The following A2ML1 variants were observed in gnomAD, a reference collection of about 807,000 sequenced individuals.
The protein encoded by A2ML1 is alpha-2-macroglobulin-like protein 1.
Under a neutral mutation model 181.9 loss-of-function variants are expected in A2ML1, and 161 were observed. The ratio of observed to expected loss-of-function variants is 0.89; its 90% CI spans 0.78 to 1.01. The LOEUF (loss-of-function observed/expected upper bound fraction) is 1.01. A2ML1 is among the 50% of genes least tolerant of loss of function. The pLI is 0.00. For synonymous variants in A2ML1, 663 were observed against 666.8 expected, an observed-to-expected ratio of 0.99 and a Z score of 0.09; for missense variants, 1,670 against 1,768.1, an observed-to-expected ratio of 0.94 and a Z score of 1.00.
downstream of A2ML1, chr12:8,876,931 G>A (rs1894818): frequency 6.6e-6 from 1 of 152,072 alleles, no homozygotes; most frequent in African/African-American, 2.4e-5. Flanking sequence ...AAAGATGTGA[G>A]GACAGGTTAG....
chr12:8,831,447 T>A (rs954314943), intron 4 of A2ML1, among the ~76,000 whole-genome samples: 1 of 152,218 alleles, frequency 6.6e-6, no homozygotes, highest in African/African-American at 2.4e-5. Context: ...GCTCTTTCTC[T>A]TGTGAAATTA....
intron 28 of A2ML1, 88 bp from the exon 29 acceptor site, chr12:8,863,706 C>A: frequency 2.3e-6 from 3 of 1,327,014 alleles, no homozygotes; most frequent in South Asian, 1.3e-5. Flanking sequence ...TTGGTACTTA[C>A]TCTGCTCTAA....
chr12:8,877,974 C>G (rs1431946392), downstream of A2ML1, among the ~76,000 whole-genome samples: 1 of 152,092 alleles, frequency 6.6e-6, no homozygotes, highest in East Asian at 1.9e-4. Flanking sequence ...AAAATGTGGT[C>G]CATGTATACC....
chr12:8,854,188 A>C lies in A2ML1; in HGVS notation c.2651A>C (p.Gln884Pro). ...ILDSNEPCGG[Q>P]KGFVPQKGRS... ...GACAGCAATGAACCATGTGGGGGCC[A>C]GAAGGGGTTTGTTCCCCAAAAGGGC... Residue 884 changes from glutamine to proline, a missense_variant, in exon 21 of 36, where the codon CAG becomes CCG. Gln to Pro is a moderately conservative substitution (Grantham distance 76, BLOSUM62 -1). Transcript: ENST00000299698. 6.2e-7 allele frequency: 1 copy of C among 1,609,710 alleles called. No individual in the cohort carries two copies. Among genetic ancestry groups the C allele is most frequent in the Non-Finnish European group, 8.5e-7 (1 of 1,177,762 alleles).
intron 14 of A2ML1, among the ~76,000 whole-genome samples, chr12:8,846,863 G>A (rs1943704451): frequency 6.6e-6 from 1 of 151,498 alleles, no homozygotes. Context: ...TGTAGTCCCA[G>A]CTAGTCGGAA....
At position 8,869,163 on chromosome 12, in the gene A2ML1, T is replaced by C; in HGVS notation, c.4181T>C (p.Val1394Ala). 4 of 1,614,048 alleles carry C rather than the reference T, an allele frequency of 2.5e-6. No individual in the cohort carries two copies. The highest frequency in any genetic ancestry group is 3.4e-6 in the Non-Finnish European group (4 of 1,180,000). ...LLLQQPLVKKVEFGTDTLNIY... is the reference protein window; with the variant it reads ...LLLQQPLVKKAEFGTDTLNIY... ...CTCCAGCAACCCCTGGTGAAGAAGGTTGAATTTGGAACTGACACACTTAAC... is the reference window on the plus strand; with the variant it reads ...CTCCAGCAACCCCTGGTGAAGAAGGCTGAATTTGGAACTGACACACTTAAC... The change falls in exon 33 of 36, where the codon GTT becomes GCT. Residue 1394 changes from valine (V) to alanine (A), a missense_variant. Physicochemically the swap from Val to Ala is moderately conservative, Grantham distance 64. Transcript: ENST00000299698.
At position 8,848,877 on chromosome 12, in the gene A2ML1, C is replaced by G; in HGVS notation, c.1991C>G (p.Ser664Trp). ...CAGCGTTCCATTATCTGGAGGCCCT[C>G]GTTCTCTGAAGGCACGGACCTTTTC... is the stretch of plus-strand genomic sequence containing the variant. ...SSQRSIIWRP[S>W]FSEGTDLFSF... The change falls in exon 16 of 36, where the codon TCG becomes TGG. Residue 664 changes from serine (S) to tryptophan (W), a missense_variant. Physicochemically the swap from Ser to Trp is radical, Grantham distance 177. Coordinates refer to ENST00000299698, the MANE Select transcript of A2ML1 (RefSeq NM_144670.6). 1.2e-6 allele frequency: 2 copies of G among 1,614,034 alleles called. No individual in the cohort carries two copies. Among genetic ancestry groups the G allele is most frequent in the Non-Finnish European group, 1.7e-6 (2 of 1,180,008 alleles).
At chr12:8,876,837 G>C (rs1479705376), downstream of A2ML1, 2 of 152,164 alleles carry the variant, frequency 1.3e-5, no homozygotes, top group African/African-American at 4.8e-5. Flanking sequence ...TTCTTTTAAA[G>C]GTGATGATCA....
At position 8,875,216 on chromosome 12, in the gene A2ML1, T is replaced by G. The variant is rs79074325; in HGVS notation, c.*1+204T>G. Among the ~76,000 whole-genome samples, 516 of 150,536 alleles carry G rather than the reference T, an allele frequency of 3.4e-3. 1 individual carries two copies. Among genetic ancestry groups the G allele is most frequent in the Non-Finnish European group, 6.4e-3 (433 of 67,584 alleles). ...CCTCAGCCTCCTGAGTTGCTGGGAT[T>G]ATAGGCGCCCACCATGATGCCTGGC... On this transcript the variant is annotated intron_variant, in intron 35 of 35. Transcript: ENST00000299698.
intron 11 of A2ML1, among the ~76,000 whole-genome samples, chr12:8,842,210 T>C (rs779934706): frequency 7.5e-4 from 114 of 151,136 alleles, no homozygotes; most frequent in Middle Eastern, 3.4e-3. Flanking sequence ...GTATATTGCA[T>C]ATGTTTTTTT....
At chr12:8,869,105 G>T in intron 32 of A2ML1, 30 bp from the exon 33 acceptor site, 1 of 1,612,296 alleles carries the variant, frequency 6.2e-7, no homozygotes, top group Non-Finnish European at 8.5e-7. Flanking sequence ...CTGGCTCTTA[G>T]TATCTTTTTT....
At chr12:8,886,765 AC>A (rs1165967002) in exon 8 of A2ML1, 1 of 151,940 alleles carries the variant, frequency 6.6e-6, no homozygotes, top group Non-Finnish European at 1.5e-5. Flanking sequence ...TGGATTAGCC[AC>A]CCTTATGGCT....
chr12:8,829,601 G>A, intron 3 of A2ML1, 126 bp from the exon 4 acceptor site: 2 of 887,324 alleles, frequency 2.3e-6, no homozygotes, highest in Non-Finnish European at 3.5e-6. Flanking sequence ...GCTGAAGTGA[G>A]CCACGGTTGT....
rs765590978 is a variant in A2ML1 at position 8,850,188 on chromosome 12, GTCA to G, written c.2152_2154del (p.Ser718del). 1.7e-5 allele frequency: 28 copies of G among 1,612,246 alleles called. No homozygotes were observed. Among genetic ancestry groups the G allele is most frequent in the Non-Finnish European group, 2.3e-5 (27 of 1,179,478 alleles). ...GCGGTGGTCATCCAGAGGCTTTTGA[GTCA>G]TCAACTCCTTTACATCAAGCAGAGG... is the stretch of plus-strand genomic sequence containing the variant. On this transcript the variant is annotated inframe_deletion, in exon 18 of 36. Transcript: ENST00000299698.
At position 8,839,221 on chromosome 12, in the gene A2ML1, A is replaced by G; in HGVS notation, c.1079A>G (p.Lys360Arg). Residue 360 changes from lysine to arginine, a missense_variant and splice_region_variant, in exon 10 of 36, where the codon AAG (lysine) becomes AGG (arginine). Lys to Arg is a conservative substitution (Grantham distance 26). Coordinates refer to ENST00000299698, the MANE Select transcript of A2ML1 (RefSeq NM_144670.6). ...CATCCAAATTTCCCCTTCAGTGGGA[A>G]GGTATGTTAAAACTTTTCTCTGCAT... Reference protein sequence around the residue: ...FYHPNFPFSGKIRVRGHDDSF... With the variant: ...FYHPNFPFSGRIRVRGHDDSF... 2.5e-6 allele frequency: 4 copies of G among 1,610,706 alleles called. No individual in the cohort carries two copies. The highest frequency in any genetic ancestry group is 3.4e-6 in the Non-Finnish European group (4 of 1,177,648).
At chr12:8,837,653 G>A in intron 8 of A2ML1, 87 bp downstream of exon 8, 11 of 1,408,602 alleles carry the variant, frequency 7.8e-6, no homozygotes, top group Non-Finnish European at 1.0e-5. Flanking sequence ...AGGCCGAGAT[G>A]GGCGGATCAC....
intron 20 of A2ML1, among the ~76,000 whole-genome samples, chr12:8,853,716 A>G (rs1164478134): frequency 2.6e-5 from 4 of 152,162 alleles, no homozygotes. Context: ...CTGCCTCATC[A>G]CACAACAGCT....
At position 8,875,017 on chromosome 12, in the gene A2ML1, G is replaced by A. The variant is rs751012864; in HGVS notation, c.*1+5G>A. 1.2e-6 allele frequency: 2 copies of A among 1,613,888 alleles called. No individual in the cohort carries two copies. Among genetic ancestry groups the A allele is most frequent in the Non-Finnish European group, 8.5e-7 (1 of 1,179,930 alleles). On this transcript the variant is annotated splice_donor_5th_base_variant and intron_variant, in intron 35 of 35. Transcript: ENST00000299698. ...ATTCTGATCCCTGTGAATGAGGTAA[G>A]TCCAGCGGAGAAATGGGTGGAGTTA... is the stretch of plus-strand genomic sequence containing the variant.
At chr12:8,842,428 C>T (rs1226167277) in intron 11 of A2ML1, among the ~76,000 whole-genome samples, 2 of 152,184 alleles carry the variant, frequency 1.3e-5, no homozygotes, top group South Asian at 2.1e-4. Flanking sequence ...ACTGTGTTAG[C>T]CAGGATGGTC....
Sources: gnomAD v4.1 joint callset for allele counts (sites outside exome capture counted in the v4.1 genomes callset) on GRCh38, gnomAD v4.1.1 for gene constraint, MANE v1.5 for transcripts, NCBI Gene and HGNC (gene_info 2026-07-23, HGNC 2026-07-21) for gene names.